FAM135B: variants seen among roughly 807,000 people sequenced by gnomAD.
The protein encoded by FAM135B is family with sequence similarity 135 member B.
A neutral mutation model predicts 127.7 loss-of-function variants in FAM135B; 43 were observed. The observed-to-expected ratio is 0.34, with a 90% CI of 0.26 to 0.43. The LOEUF is 0.43. Ranked by LOEUF, FAM135B falls within the 20% of genes least tolerant of loss-of-function variation. The pLI is 1.00. For synonymous variants in FAM135B, 670 were observed against 665.1 expected, an observed-to-expected ratio of 1.01 and a Z score of -0.11; for missense variants, 1,558 against 1,725.6, an observed-to-expected ratio of 0.90 and a Z score of 1.72.
rs1435720846 is a variant in FAM135B, at chr8:138,497,203, G to T, written c.-552C>A. On this transcript the variant is annotated 5_prime_UTR_variant, in exon 1 of 20. Coordinates refer to ENST00000395297, the MANE Select transcript of FAM135B (RefSeq NM_015912.4). ...CGCGGCCGGGAGAGCCCGCCCTGCT[G>T]CTCCCGCTGGCTCCGCTCCGCAGCC... 6.6e-6 allele frequency among the ~76,000 whole-genome samples: 1 copy of T among 150,934 alleles called. No homozygotes were observed. The highest frequency in any genetic ancestry group is 1.5e-5 in the Non-Finnish European group (1 of 67,674).
In FAM135B at chr8:138,242,234, G is replaced by A. The variant is rs1820861465; in HGVS notation, c.669+708C>T. Among the ~76,000 whole-genome samples the A allele has an allele frequency of 1.4e-5, 2 of 140,606 alleles. No individual in the cohort carries two copies. Among genetic ancestry groups the A allele is most frequent in the Admixed American group, 1.5e-4 (2 of 13,402 alleles). 92.2% of individuals were successfully genotyped at this position (140,606 alleles called of 152,430 possible). The stretch of plus-strand genomic sequence containing the variant: ...GTGTGTGTGTTCTATTGGCTGTATT[G>A]GTCCTGTTTCTCTGGAGAACCCTGA... On this transcript the variant is annotated intron_variant, in intron 7 of 19. Transcript: ENST00000395297. This position sits in a 1 kb window ranked among gnomAD's most constrained non-coding sequence, Gnocchi z 9.6.
chr8:138,354,557 A>G (rs577622171), intron 2 of FAM135B, among the ~76,000 whole-genome samples: 8 of 152,032 alleles, frequency 5.3e-5, no homozygotes, highest in Non-Finnish European at 1.2e-4. Context: ...TTTAACTTCC[A>G]TTTCTGACAT....
chr8:138,381,297 T>C (rs1230553162), intron 1 of FAM135B, among the ~76,000 whole-genome samples: 1 of 152,172 alleles, frequency 6.6e-6, no homozygotes, highest in Non-Finnish European at 1.5e-5. Flanking sequence ...TTATTATACC[T>C]TTGTTCAAGC....
In FAM135B at chr8:138,131,157, C is replaced by T. The variant is rs1055722523; in HGVS notation, c.*1436G>A. 1.3e-5 allele frequency: 2 copies of T among 152,194 alleles called. No homozygotes were observed. The highest frequency in any genetic ancestry group is 2.4e-5 in the African/African-American group (1 of 41,436). 9.4% of individuals were successfully genotyped at this position (152,194 alleles called of 1,614,324 possible). A position where few individuals can be genotyped will look rare whatever the true frequency, so the allele number is the denominator to read the frequency against. ...GTTTTGTTACCATGGCATCAGTGACCTAGAGTCATGGTCTAGGTATTGAGA... is the reference window on the plus strand; with the variant it reads ...GTTTTGTTACCATGGCATCAGTGACTTAGAGTCATGGTCTAGGTATTGAGA... On this transcript the variant is annotated 3_prime_UTR_variant, in exon 20 of 20. Coordinates refer to ENST00000395297, the MANE Select transcript of FAM135B (RefSeq NM_015912.4).
At chr8:138,407,807 A>G (rs185386052) in intron 1 of FAM135B, among the ~76,000 whole-genome samples, 101 of 152,318 alleles carry the variant, frequency 6.6e-4, no homozygotes, top group African/African-American at 2.2e-3. Context: ...TAAAAACCCT[A>G]GAAGAAAACC....
At chr8:138,367,807 T>G (rs1301934347) in intron 2 of FAM135B, 100 bp downstream of exon 2, 1 of 896,930 alleles carries the variant, frequency 1.1e-6, no homozygotes, top group Non-Finnish European at 1.8e-6. Flanking sequence ...AGTCCCAAAT[T>G]TCCTATAATC....
In FAM135B at chr8:138,348,127, CTTT is replaced by C. The variant is rs58289442; in HGVS notation, c.77+19777_77+19779del. Among the ~76,000 whole-genome samples the C allele has an allele frequency of 5.5e-4, 29 of 52,850 alleles. No homozygotes were observed. In the East Asian group the frequency reaches 9.8e-3, roughly 18 times the overall value. 34.7% of individuals were successfully genotyped at this position (52,850 alleles called of 152,430 possible). Reference sequence around the variant, plus strand: ...CAGATTAGTTCTTCTTTTTCCTCCTCTTTTTTTTTTTTTTTTTTTTTTTTGAGA... The same window carrying C: ...CAGATTAGTTCTTCTTTTTCCTCCTCTTTTTTTTTTTTTTTTTTTTTGAGA... On this transcript the variant is annotated intron_variant, in intron 2 of 19. Transcript: ENST00000395297.
At chr8:138,448,537 C>T (rs563987967) in intron 1 of FAM135B, among the ~76,000 whole-genome samples, 1 of 152,122 alleles carries the variant, frequency 6.6e-6, no homozygotes, top group South Asian at 2.1e-4. Flanking sequence ...AGCCTTTAGA[C>T]TCAAACTGAA....
intron 1 of FAM135B, among the ~76,000 whole-genome samples, chr8:138,461,844 T>A (rs775869576): frequency 1.4e-3 from 208 of 152,278 alleles, no homozygotes; most frequent in Non-Finnish European, 2.1e-3. Flanking sequence ...TACTCAAAAA[T>A]GCTGATCTTC....
intron 12 of FAM135B, among the ~76,000 whole-genome samples, chr8:138,166,925 C>T (rs1352120172): frequency 1.3e-5 from 2 of 151,900 alleles, no homozygotes; most frequent in Non-Finnish European, 2.9e-5. Flanking sequence ...CCTGTTGGTT[C>T]AGGAAAACAA....
chr8:138,213,576 A>G (rs1818309730), intron 7 of FAM135B, among the ~76,000 whole-genome samples: 1 of 151,042 alleles, frequency 6.6e-6, no homozygotes, highest in South Asian at 2.1e-4. Flanking sequence ...TGGCAGAAAT[A>G]GCTTTTGGAG....
In FAM135B at chr8:138,152,546, T is replaced by C. The variant is rs1171855991; in HGVS notation, c.1929A>G (p.Pro643=). ...AGGGCTCCCTCAGGGTAGAACTTAG[T>C]GGATCACAGGGCTCAGAGGGGGTGA... is the stretch of plus-strand genomic sequence containing the variant. ...LKLTPSEPCD[P]LSSTLREPLD... Residue 643 remains proline, a synonymous_variant, in exon 13 of 20, where the codon CCA becomes CCG. Transcript: ENST00000395297. 3.1e-6 allele frequency: 5 copies of C among 1,614,058 alleles called. No homozygotes were observed. In the East Asian group the frequency reaches 8.9e-5, roughly 29 times the overall value.
intron 1 of FAM135B, among the ~76,000 whole-genome samples, chr8:138,411,707 G>C (rs182118004): frequency 6.6e-6 from 1 of 152,128 alleles, no homozygotes; most frequent in East Asian, 1.9e-4. Flanking sequence ...GCAACCTACA[G>C]AATGGGAGAA....
intron 7 of FAM135B, among the ~76,000 whole-genome samples, chr8:138,198,445 T>C (rs989724382): frequency 3.3e-5 from 5 of 152,158 alleles, no homozygotes; most frequent in Non-Finnish European, 7.3e-5. Flanking sequence ...GACAGGTGGC[T>C]GTGGGCTCCT....
intron 1 of FAM135B, among the ~76,000 whole-genome samples, chr8:138,378,890 T>A (rs1228631403): frequency 6.6e-6 from 1 of 152,168 alleles, no homozygotes; most frequent in Non-Finnish European, 1.5e-5. Context: ...CATAAAAAGA[T>A]AACTGACTCA....
intron 1 of FAM135B, among the ~76,000 whole-genome samples, chr8:138,494,820 ATC>A (rs1216154336): frequency 6.7e-6 from 1 of 148,156 alleles, no homozygotes; most frequent in African/African-American, 2.6e-5. Flanking sequence ...CTCTGTCTAA[ATC>A]TCTGTTTATA....
At chr8:138,388,063 C>A (rs1001129399) in intron 1 of FAM135B, among the ~76,000 whole-genome samples, 1 of 152,090 alleles carries the variant, frequency 6.6e-6, no homozygotes, top group Admixed American at 6.5e-5. Context: ...AATGAGATAC[C>A]CCGATTAAAA....
At chr8:138,475,661 C>T (rs1337937758) in intron 1 of FAM135B, among the ~76,000 whole-genome samples, 1 of 152,188 alleles carries the variant, frequency 6.6e-6, no homozygotes, top group Non-Finnish European at 1.5e-5. Context: ...TAGTTCAGGA[C>T]CTCACTAATT....
chr8:138,309,021 T>C lies in FAM135B; in HGVS notation c.157+1820A>G, dbSNP rs377222349. On this transcript the variant is annotated intron_variant, in intron 3 of 19. Transcript: ENST00000395297. ...GCTGGTTCTTGTTCTGACATATGTA[T>C]ATTTAGAACCTCTGTGAAATAGAAA... 8.3e-5 allele frequency: 38 copies of C among 455,218 alleles called. 1 individual carries two copies. In the East Asian group the frequency reaches 2.4e-3, roughly 28 times the overall value. The allele number at this position is 455,218 out of a possible 1,614,324, so 28.2% of individuals were successfully genotyped here. A position where few individuals can be genotyped will look rare whatever the true frequency, so the allele number is the denominator to read the frequency against.
Sources: gnomAD v4.1 joint callset for allele counts (sites outside exome capture counted in the v4.1 genomes callset) on GRCh38, gnomAD v4.1.1 for gene constraint, Gnocchi (gnomAD v3.1) non-coding constraint, MANE v1.5 for transcripts, NCBI Gene and HGNC (gene_info 2026-07-23, HGNC 2026-07-21) for gene names.